PRRC2C: variants seen among roughly 807,000 people sequenced by gnomAD.
The protein encoded by PRRC2C is protein PRRC2C.
A neutral mutation model predicts 317.2 loss-of-function variants in PRRC2C; 72 were observed. The observed-to-expected ratio is 0.23, with a 90% confidence interval of 0.19 to 0.28. The LOEUF (loss-of-function observed/expected upper bound fraction) is 0.28, where lower values mean the gene tolerates loss of function less well. Among genes scored for constraint, PRRC2C ranks in the 10% least tolerant of loss-of-function variants. The probability of loss-of-function intolerance (pLI) is 1.00; values close to 1 mark genes in which losing one functional copy is unlikely to be tolerated. For synonymous variants in PRRC2C, 1,296 were observed against 1,205.9 expected, an observed-to-expected ratio of 1.07 and a Z score of -1.55; for missense variants, 3,074 against 3,459.7, an observed-to-expected ratio of 0.89 and a Z score of 2.80.
rs745853044 is a variant in PRRC2C, at chr1:171,566,639, C to T, written c.6354C>T (p.Pro2118=). The T allele has an allele frequency of 1.2e-6, 2 of 1,604,138 alleles. No homozygotes were observed. Among genetic ancestry groups the T allele is most frequent in the African/African-American group, 2.7e-5 (2 of 74,606 alleles). The change falls in exon 22 of 35, where the codon CCC becomes CCT. Residue 2118 remains proline (P), a synonymous_variant. Coordinates refer to ENST00000647382, the MANE Select transcript of PRRC2C (RefSeq NM_001387844.1). The stretch of plus-strand genomic sequence containing the variant: ...AAAACAAAGAACACAAACCTGGTCC[C>T]ATTGGAAAGGAACGTTCATTAAAAA... ...PVENKEHKPG[P]IGKERSLKNR... is the part of the protein sequence containing the mutation.
chr1:171,590,511 T>C lies in PRRC2C; in HGVS notation c.8436+906T>C, dbSNP rs1278814790. Among the ~76,000 whole-genome samples the C allele has an allele frequency of 3.9e-5, 6 of 152,332 alleles. No individual in the cohort carries two copies. The South Asian group carries it at 1.0e-3, about 26-fold the overall frequency. The stretch of plus-strand genomic sequence containing the variant: ...AGCTTACTGCTTTCAAACAGGGAAA[T>C]GTGCATAGTAATGCTTTACTCTGAA... On this transcript the variant is annotated intron_variant, in intron 34 of 34. Coordinates refer to ENST00000647382, the MANE Select transcript of PRRC2C (RefSeq NM_001387844.1).
At chr1:171,539,833 CT>C in intron 15 of PRRC2C, 137 bp from the exon 16 acceptor site, 1 of 811,594 alleles carries the variant, frequency 1.2e-6, no homozygotes, top group Non-Finnish European at 1.9e-6. Context: ...CTCCTCTAAA[CT>C]TTTTATATAG....
intron 18 of PRRC2C, among the ~76,000 whole-genome samples, chr1:171,553,216 C>T (rs1268888695): frequency 2.0e-5 from 3 of 152,106 alleles, no homozygotes; most frequent in Non-Finnish European, 4.4e-5. Context: ...AGGAATTTAT[C>T]CATTTCTTCT....
chr1:171,516,568 CCT>C (rs1447607152), intron 5 of PRRC2C, among the ~76,000 whole-genome samples: 2 of 152,128 alleles, frequency 1.3e-5, no homozygotes, highest in East Asian at 3.8e-4. Flanking sequence ...TGTGCTGACT[CCT>C]CTATTTTGTT....
At chr1:171,563,752 G>A (rs1445354873) in intron 20 of PRRC2C, among the ~76,000 whole-genome samples, 2 of 152,150 alleles carry the variant, frequency 1.3e-5, no homozygotes, top group Non-Finnish European at 2.9e-5. Context: ...AAACTCAAGA[G>A]TCACTGCATT....
chr1:171,557,648 C>A lies in PRRC2C; in HGVS notation c.5536C>A (p.Leu1846Ile). The change falls in exon 19 of 35, where the codon CTT becomes ATT. Residue 1846 changes from leucine (L) to isoleucine (I), a missense_variant. Leu to Ile is a conservative substitution (Grantham distance 5). Transcript: ENST00000647382. The part of the protein sequence containing the change: ...PASAPAPTPI[L>I]ASVSTPASVT... Reference sequence around the variant, plus strand: ...CTCAGCCCCAGCTCCAACCCCCATCCTTGCCTCAGTTTCAACCCCAGCTTC... The same window carrying A: ...CTCAGCCCCAGCTCCAACCCCCATCATTGCCTCAGTTTCAACCCCAGCTTC... 6.4e-7 allele frequency: 1 copy of A among 1,551,550 alleles called. No homozygotes were observed. The highest frequency in any genetic ancestry group is 1.2e-5 in the South Asian group (1 of 84,052).
chr1:171,506,777 C>G (rs772085993), intron 1 of PRRC2C, among the ~76,000 whole-genome samples: 16 of 148,688 alleles, frequency 1.1e-4, no homozygotes, highest in Non-Finnish European at 1.6e-4. Context: ...AGTATTGTTT[C>G]CTTTGGCAGT....
chr1:171,530,222 G>C (rs1227851150), intron 11 of PRRC2C, among the ~76,000 whole-genome samples: 1 of 147,096 alleles, frequency 6.8e-6, no homozygotes, highest in Non-Finnish European at 1.5e-5. Flanking sequence ...TAATACATCT[G>C]ACGAAGGACT....
intron 24 of PRRC2C, among the ~76,000 whole-genome samples, chr1:171,574,328 T>C (rs527860424): frequency 1.1e-4 from 17 of 152,194 alleles, no homozygotes; most frequent in Non-Finnish European, 2.4e-4. Flanking sequence ...CATTTAGATA[T>C]GTATCTGTTG....
At position 171,485,591 on chromosome 1, in the gene PRRC2C, G is replaced by A. The variant is rs1472450805; in HGVS notation, c.-202G>A. 6.5e-6 allele frequency: 1 copy of A among 152,676 alleles called. No homozygotes were observed. The highest frequency in any genetic ancestry group is 1.5e-5 in the Non-Finnish European group (1 of 68,060). 9.5% of individuals were successfully genotyped at this position (152,676 alleles called of 1,614,324 possible). On this transcript the variant is annotated 5_prime_UTR_variant, in exon 1 of 35. Transcript: ENST00000647382. ...CTCGGAAAGCTGCGAAAGTGCTTTG[G>A]CGGTTTGTCCATCCGCAGCTTCGGC...
chr1:171,493,053 G>A (rs1667469072), intron 1 of PRRC2C, among the ~76,000 whole-genome samples: 1 of 148,806 alleles, frequency 6.7e-6, no homozygotes. Flanking sequence ...CCTGGCCGGG[G>A]AATTTAAATA....
Position 171,591,936 on chromosome 1 carries a change from T to C in PRRC2C, c.*89T>C. 1 of 1,480,436 alleles carries C rather than the reference T, an allele frequency of 6.8e-7. No individual in the cohort carries two copies. Among genetic ancestry groups the C allele is most frequent in the Non-Finnish European group, 9.1e-7 (1 of 1,094,358 alleles). The allele number at this position is 1,480,436 out of a possible 1,614,324, so 91.7% of individuals were successfully genotyped here. A position where few individuals can be genotyped will look rare whatever the true frequency, so the allele number is the denominator to read the frequency against. ...AATGCTGGCAGCCAAAGGGGCAAAA[T>C]GGCCTGTGACATTATCCTGTTCAGA... On this transcript the variant is annotated 3_prime_UTR_variant, in exon 35 of 35. Coordinates refer to ENST00000647382, the MANE Select transcript of PRRC2C (RefSeq NM_001387844.1).
intron 19 of PRRC2C, among the ~76,000 whole-genome samples, chr1:171,560,399 A>ATTTGAGACT (rs1682432442): frequency 4.9e-5 from 2 of 41,178 alleles, no homozygotes; most frequent in Admixed American, 3.9e-4. Context: ...AAACAATGGG[A>ATTTGAGACT]TTTGACTCCA....
At chr1:171,527,407 A>G (rs1557919784) in intron 10 of PRRC2C, among the ~76,000 whole-genome samples, 1 of 151,946 alleles carries the variant, frequency 6.6e-6, no homozygotes, top group Non-Finnish European at 1.5e-5. Context: ...TGCTGGGATT[A>G]CACGTGTGAA....
intron 6 of PRRC2C, among the ~76,000 whole-genome samples, chr1:171,519,667 A>G (rs1673180299): frequency 6.6e-6 from 1 of 152,020 alleles, no homozygotes; most frequent in Non-Finnish European, 1.5e-5. Context: ...ATGTGCCTGG[A>G]TACATCCATT....
At chr1:171,525,062 A>G (rs944795189) in intron 10 of PRRC2C, 97 bp downstream of exon 10, 3 of 1,034,322 alleles carry the variant, frequency 2.9e-6, no homozygotes, top group Non-Finnish European at 3.9e-6. Flanking sequence ...ACAGAGTGGA[A>G]CGGGACTTAG....
Position 171,587,762 on chromosome 1 carries a change from C to T in PRRC2C, c.8072+11C>T. 2 of 1,578,638 alleles carry T rather than the reference C, an allele frequency of 1.3e-6. No individual in the cohort carries two copies. The highest frequency in any genetic ancestry group is 1.7e-6 in the Non-Finnish European group (2 of 1,149,174). On this transcript the variant is annotated intron_variant, in intron 32 of 34. Coordinates refer to ENST00000647382, the MANE Select transcript of PRRC2C (RefSeq NM_001387844.1). ...ATCTAGTCCCTTCCGGTAAAATGGG[C>T]ATTTAAATTTGCTTATGAAATTCCA...
rs1206896115 is a variant in PRRC2C, at chr1:171,541,789, G to A, written c.4323G>A (p.Arg1441=). The part of the protein sequence containing the change: ...PRQDKPPRFR[R]LREREAASKS... ...AAGACAAGCCACCTCGATTTAGACG[G>A]CTAAGAGAGAGGGAGGCTGCTTCAA... Residue 1441 remains arginine, a synonymous_variant, in exon 16 of 35, where the codon CGG becomes CGA. Transcript: ENST00000647382. This position sits in a 1 kb window ranked among gnomAD's most constrained non-coding sequence, Gnocchi z 4.1. The A allele has an allele frequency of 6.2e-7, 1 of 1,613,992 alleles. No individual in the cohort carries two copies. Among genetic ancestry groups the A allele is most frequent in the Admixed American group, 1.7e-5 (1 of 60,020 alleles).
chr1:171,512,043 T>G lies in PRRC2C; in HGVS notation c.-46T>G. The G allele has an allele frequency of 1.8e-6, 2 of 1,114,234 alleles. No homozygotes were observed. Among genetic ancestry groups the G allele is most frequent in the Non-Finnish European group, 2.6e-6 (2 of 770,020 alleles). The allele number at this position is 1,114,234 out of a possible 1,614,324, so 69.0% of individuals were successfully genotyped here. A position where few individuals can be genotyped will look rare whatever the true frequency, so the allele number is the denominator to read the frequency against. The stretch of plus-strand genomic sequence containing the variant: ...ATGTACATCTTAAGGACTGGGGTTT[T>G]AAGGGGTGTGGCAGGAGGTTTTGGA... On this transcript the variant is annotated 5_prime_UTR_variant, in exon 2 of 35. Transcript: ENST00000647382.
Sources: gnomAD v4.1 joint callset for allele counts (sites outside exome capture counted in the v4.1 genomes callset) on GRCh38, gnomAD v4.1.1 for gene constraint, Gnocchi (gnomAD v3.1) non-coding constraint, MANE v1.5 for transcripts, NCBI Gene and HGNC (gene_info 2026-07-23, HGNC 2026-07-21) for gene names.